The following GNL3L variants were observed in gnomAD, a reference collection of about 807,000 sequenced individuals.
GNL3L encodes G protein nucleolar 3 like.
In GNL3L, 4 loss-of-function variants were observed where a neutral mutation model predicts 42.9. That is an observed-to-expected ratio of 0.09 (90% CI 0.05 to 0.21). GNL3L has a LOEUF of 0.21. GNL3L is among the 10% of genes least tolerant of loss of function. The pLI, the probability that GNL3L is intolerant of heterozygous loss-of-function variation, is 1.00. For missense variants in GNL3L, 412 were observed against 481.7 expected, an observed-to-expected ratio of 0.86 and a Z score of 1.36; for synonymous variants, 159 against 176.3, an observed-to-expected ratio of 0.90 and a Z score of 0.78.
intron 16 of GNL3L, among the ~76,000 whole-genome samples, chrX:54,611,067 AAGCTAGG>A (rs1478733600): frequency 1.8e-5 from 2 of 110,817 alleles, no homozygotes; most frequent in African/African-American, 6.5e-5. Flanking sequence ...TTCCTGATTT[AAGCTAGG>A]AGGGTTGTAT....
rs930709668 is a variant in GNL3L at position 54,563,041 on chromosome X, TA to T, written c.*2440del. 3.6e-5 allele frequency among the ~76,000 whole-genome samples: 4 copies of T among 111,899 alleles called. No individual in the cohort carries two copies. The highest frequency in any genetic ancestry group is 1.3e-4 in the African/African-American group (4 of 30,753). ...TTTAAAAAACTCTAGTTTCTTAAAC[TA>T]CTAGTTTTTAGTGTCTTGCTAAAAC... On this transcript the variant is annotated 3_prime_UTR_variant, in exon 16 of 16. Transcript: ENST00000360845.
chrX:54,596,527 G>T (rs1343711733), intron 16 of GNL3L, among the ~76,000 whole-genome samples: 1 of 111,634 alleles, frequency 9.0e-6, no homozygotes, highest in South Asian at 3.8e-4. Context: ...CCTGGGTCTC[G>T]CCCGAGGTTT....
At chrX:54,644,559 C>G in the GNL3L span, among the ~76,000 whole-genome samples, 2 of 111,937 alleles carry the variant, frequency 1.8e-5, no homozygotes, top group East Asian at 5.6e-4. Context: ...TCACCTTTAT[C>G]AAATATGGAG....
At chrX:54,579,927 C>G (rs1253475716) in intron 16 of GNL3L, among the ~76,000 whole-genome samples, 2 of 108,549 alleles carry the variant, frequency 1.8e-5, no homozygotes, top group African/African-American at 6.8e-5. Flanking sequence ...ATCCACCAGC[C>G]TCGGCCTCCC....
chrX:54,637,710 A>C, the GNL3L span, among the ~76,000 whole-genome samples: 2 of 112,688 alleles, frequency 1.8e-5, no homozygotes, highest in South Asian at 7.2e-4. Context: ...AATCAGGGAA[A>C]TGTAAATACT....
At chrX:54,583,670 G>T (rs1925745450) in intron 16 of GNL3L, among the ~76,000 whole-genome samples, 1 of 110,506 alleles carries the variant, frequency 9.0e-6, no homozygotes, top group Non-Finnish European at 1.9e-5. Flanking sequence ...TTGAGACAAG[G>T]TCTCACTGTC....
At chrX:54,567,791 T>C (rs1925478750), downstream of GNL3L, among the ~76,000 whole-genome samples, 1 of 111,255 alleles carries the variant, frequency 9.0e-6, no homozygotes. Flanking sequence ...GGGTTTGTTT[T>C]AGGAATGGAT....
rs1397284550 is a variant in GNL3L at position 54,566,557 on chromosome X, T to A, written c.*5955T>A. ...TGAATACCCTGATAGTCATATAATA[T>A]TTATCTTTTTGTGACTGGCTTATTT... On this transcript the variant is annotated 3_prime_UTR_variant, in exon 16 of 16. Coordinates refer to ENST00000360845, the MANE Select transcript of GNL3L (RefSeq NM_001184819.2). 1.8e-5 allele frequency among the ~76,000 whole-genome samples: 2 copies of A among 112,604 alleles called. No homozygotes were observed. The highest frequency in any genetic ancestry group is 5.5e-4 in the East Asian group (2 of 3,622).
At chrX:54,543,416 A>G in intron 7 of GNL3L, 74 bp downstream of exon 7, 1 of 1,046,278 alleles carries the variant, frequency 9.6e-7, no homozygotes, top group Non-Finnish European at 1.3e-6. Flanking sequence ...TGGACCAGAC[A>G]CTGAACCCAG....
chrX:54,602,118 C>T (rs899114984), intron 16 of GNL3L, among the ~76,000 whole-genome samples: 1 of 110,577 alleles, frequency 9.0e-6, no homozygotes, highest in Non-Finnish European at 1.9e-5. Context: ...ATTTCTGGGT[C>T]GTATGTTAAG....
chrX:54,608,601 G>A (rs1008874135), intron 16 of GNL3L, among the ~76,000 whole-genome samples: 2 of 110,386 alleles, frequency 1.8e-5, no homozygotes, highest in Non-Finnish European at 1.9e-5. Flanking sequence ...GAGAACATAC[G>A]ATACTTGGTT....
At chrX:54,626,655 C>G in the GNL3L span, among the ~76,000 whole-genome samples, 8 of 111,552 alleles carry the variant, frequency 7.2e-5, no homozygotes, top group African/African-American at 2.6e-4. Context: ...AAGTGTTCCC[C>G]TCTCTCCATG....
intron 16 of GNL3L, among the ~76,000 whole-genome samples, chrX:54,608,611 T>C (rs1926128627): frequency 9.0e-6 from 1 of 111,473 alleles, no homozygotes; most frequent in African/African-American, 3.3e-5. Flanking sequence ...GATACTTGGT[T>C]TTCCATTCTT....
intron 16 of GNL3L, among the ~76,000 whole-genome samples, chrX:54,579,292 A>C (rs942438245): frequency 2.7e-5 from 3 of 111,931 alleles, no homozygotes; most frequent in Non-Finnish European, 5.6e-5. Context: ...CTTTACCTGA[A>C]GTCACAATTA....
intron 14 of GNL3L, among the ~76,000 whole-genome samples, chrX:54,556,185 A>G (rs1288479895): frequency 9.0e-6 from 1 of 111,224 alleles, no homozygotes; most frequent in Non-Finnish European, 1.9e-5. Context: ...TGGGTAATTT[A>G]TAAAGGAAAG....
intron 3 of GNL3L, 101 bp from the exon 4 acceptor site, chrX:54,540,034 A>G (rs1601977742): frequency 1.9e-6 from 1 of 516,641 alleles, no homozygotes; most frequent in East Asian, 3.6e-5. Context: ...AGGGGCATTT[A>G]TGAGGGGATG....
the GNL3L span, among the ~76,000 whole-genome samples, chrX:54,633,206 T>C: frequency 8.9e-6 from 1 of 111,918 alleles, no homozygotes; most frequent in Admixed American, 9.5e-5. Context: ...TCAAATCCTG[T>C]TTATGCTAGC....
In GNL3L at chrX:54,607,982, G is replaced by T. The variant is rs193119777; in HGVS notation, c.*46-12863G>T. 2.5e-3 allele frequency among the ~76,000 whole-genome samples: 279 copies of T among 112,102 alleles called. 1 individual carries two copies. The highest frequency in any genetic ancestry group is 8.7e-3 in the African/African-American group (269 of 30,947). ...CGTGGATGAAGCTCAGAGACATAATGTTAACTGAAAAAGCAAGTCATAAAA... is the reference window on the plus strand; with the variant it reads ...CGTGGATGAAGCTCAGAGACATAATTTTAACTGAAAAAGCAAGTCATAAAA... On this transcript the variant is annotated intron_variant, in intron 16 of 16. Coordinates refer to the GNL3L transcript ENST00000674498.
rs909889774 is a variant in GNL3L at position 54,564,050 on chromosome X, G to A, written c.*3448G>A. Among the ~76,000 whole-genome samples the A allele has an allele frequency of 1.8e-5, 2 of 109,363 alleles. No individual in the cohort carries two copies. Among genetic ancestry groups the A allele is most frequent in the African/African-American group, 6.7e-5 (2 of 29,919 alleles). 95.0% of individuals were successfully genotyped at this position (109,363 alleles called of 115,157 possible). ...CCCCTAAAACTCTCCAGGCCCTTTT[G>A]TAGTCAACTCCTACCCCCGACCCTC... On this transcript the variant is annotated 3_prime_UTR_variant, in exon 16 of 16. Transcript: ENST00000360845.
Sources: allele counts gnomAD v4.1 joint callset (sites outside exome capture counted in the v4.1 genomes callset), GRCh38; gene constraint gnomAD v4.1.1; transcripts MANE v1.5; gene names NCBI Gene and HGNC (gene_info 2026-07-23, HGNC 2026-07-21).